AXL: variants seen among roughly 807,000 people sequenced by gnomAD.
AXL encodes the protein tyrosine-protein kinase receptor UFO.
Under a neutral mutation model 104.5 loss-of-function variants are expected in AXL, and 52 were observed. The observed-to-expected ratio is 0.50, with a 90% confidence interval of 0.40 to 0.63. AXL has a LOEUF of 0.63. AXL is among the 20% of genes least tolerant of loss of function. The probability of loss-of-function intolerance (pLI) is 0.00; values close to 1 mark genes in which losing one functional copy is unlikely to be tolerated. For missense variants in AXL, 1,024 were observed against 1,188.5 expected (o/e 0.86, Z 2.04); for synonymous variants, 455 against 473.7 (o/e 0.96, Z 0.51).
intron 6 of AXL, among the ~76,000 whole-genome samples, chr19:41,235,955 G>A (rs997976769): frequency 7.9e-5 from 12 of 152,048 alleles, no homozygotes; most frequent in Admixed American, 4.6e-4. Flanking sequence ...CCAGCACTTT[G>A]GGAGGCCGAG....
chr19:41,226,239 C>A (rs2122208853), intron 4 of AXL, among the ~76,000 whole-genome samples: 1 of 152,284 alleles, frequency 6.6e-6, no homozygotes, highest in South Asian at 2.1e-4. Flanking sequence ...GGACCCGGCT[C>A]CAGAACCCAC....
At chr19:41,239,782 C>T (rs1239953301) in intron 10 of AXL, 62 bp downstream of exon 10, 3 of 1,582,346 alleles carry the variant, frequency 1.9e-6, no homozygotes, top group African/African-American at 2.7e-5. Flanking sequence ...GGGGCACTGT[C>T]ACCATGCATA....
chr19:41,243,956 A>G (rs1806108747), intron 12 of AXL: 3 of 411,312 alleles, frequency 7.3e-6, no homozygotes, highest in Middle Eastern at 6.5e-4. Context: ...CTGTAATCCT[A>G]GCGCTTCGGG....
intron 8 of AXL, among the ~76,000 whole-genome samples, 180 bp downstream of exon 8, chr19:41,238,789 C>T (rs2034129632): frequency 6.6e-6 from 1 of 152,088 alleles, no homozygotes; most frequent in African/African-American, 2.4e-5. Flanking sequence ...TAAGGGAGGG[C>T]ATGGGGAATG....
In AXL at chr19:41,231,007, C is replaced by G. The variant is rs757927991; in HGVS notation, c.627C>G (p.Asn209Lys). Residue 209 changes from asparagine (N) to lysine (K), a missense_variant, in exon 5 of 20, where the codon AAC (asparagine) becomes AAG (lysine). Asn to Lys is a moderately conservative substitution (Grantham distance 94). Around this residue, in one of 5 missense-constraint regions of AXL, gnomAD observed 332 missense variants for 343.9 expected, o/e 0.97. Coordinates refer to ENST00000301178, the MANE Select transcript of AXL (RefSeq NM_021913.5). Reference sequence around the variant, plus strand: ...CCTCTTTCTCCTGCGAAGCCCATAACGCCAAGGGGGTCACCACATCCCGCA... The same window carrying G: ...CCTCTTTCTCCTGCGAAGCCCATAAGGCCAAGGGGGTCACCACATCCCGCA... ...KTSSFSCEAH[N>K]AKGVTTSRTA... 1 of 1,613,946 alleles carries G rather than the reference C, an allele frequency of 6.2e-7. No homozygotes were observed. Among genetic ancestry groups the G allele is most frequent in the Non-Finnish European group, 8.5e-7 (1 of 1,179,920 alleles).
Position 41,238,596 on chromosome 19 carries a change from A to T in AXL, c.1121A>T (p.Gln374Leu). 1 of 1,610,712 alleles carries T rather than the reference A, an allele frequency of 6.2e-7. No individual in the cohort carries two copies. Among genetic ancestry groups the T allele is most frequent in the Non-Finnish European group, 8.5e-7 (1 of 1,177,836 alleles). The change falls in exon 8 of 20, where the codon CAG (glutamine) becomes CTG (leucine). Residue 374 changes from glutamine (Q) to leucine (L), a missense_variant. Gln to Leu is a moderately radical substitution (Grantham distance 113). Coordinates refer to ENST00000301178, the MANE Select transcript of AXL (RefSeq NM_021913.5). The part of the protein sequence containing the change: ...LLGYRLAYQG[Q>L]DTPEVLMDIG... The stretch of plus-strand genomic sequence containing the variant: ...GGGTACCGGCTGGCGTATCAAGGCC[A>T]GGACACCCCAGAGGTGGGTGCTGCT...
intron 4 of AXL, among the ~76,000 whole-genome samples, chr19:41,226,301 C>G (rs1484030451): frequency 6.6e-6 from 1 of 152,172 alleles, no homozygotes; most frequent in Admixed American, 6.5e-5. Flanking sequence ...GCGCGCTGAC[C>G]CTGGCGGGGC....
chr19:41,242,315 CTTTTTTTTT>C (rs574315254), intron 10 of AXL, among the ~76,000 whole-genome samples: 4 of 83,884 alleles, frequency 4.8e-5, no homozygotes, highest in South Asian at 4.3e-4. Flanking sequence ...CTGGCACTCT[CTTTTTTTTT>C]TTTTTTTTTT....
chr19:41,256,232 G>A (rs1223270006), intron 17 of AXL, among the ~76,000 whole-genome samples: 1 of 152,154 alleles, frequency 6.6e-6, no homozygotes, highest in Non-Finnish European at 1.5e-5. Context: ...AGCCAAAATT[G>A]GGAAGTCCTG....
intron 6 of AXL, among the ~76,000 whole-genome samples, chr19:41,232,880 C>A (rs1256447464): frequency 2.6e-5 from 4 of 152,166 alleles, no homozygotes; most frequent in African/African-American, 9.7e-5. Context: ...TATGGATACA[C>A]CCATTTTCCA....
chr19:41,251,955 T>A, intron 14 of AXL, among the ~76,000 whole-genome samples: 1 of 148,584 alleles, frequency 6.7e-6, no homozygotes, highest in African/African-American at 2.5e-5. Context: ...CTACTAAAAA[T>A]ACAAAAAATT....
intron 10 of AXL, among the ~76,000 whole-genome samples, chr19:41,240,290 G>A (rs961814852): frequency 1.3e-5 from 2 of 150,972 alleles, no homozygotes; most frequent in South Asian, 2.1e-4. Flanking sequence ...GGATGGGTGG[G>A]TGGGTCAATG....
In AXL at chr19:41,253,722, AG is replaced by A; in HGVS notation, c.2036+17del. 5 of 1,510,998 alleles carry A rather than the reference AG, an allele frequency of 3.3e-6. No homozygotes were observed. In the South Asian group the frequency reaches 3.5e-5, roughly 11 times the overall value. 93.6% of individuals were successfully genotyped at this position (1,510,998 alleles called of 1,614,324 possible). A position where few individuals can be genotyped will look rare whatever the true frequency, so the allele number is the denominator to read the frequency against. On this transcript the variant is annotated intron_variant, in intron 17 of 19. Coordinates refer to ENST00000301178, the MANE Select transcript of AXL (RefSeq NM_021913.5). ...CAGGAACTGCATGTGAGTGCCTTTC[AG>A]GGACCCCCCCCCCCCAACTGCTCCT...
chr19:41,239,340 G>C, intron 9 of AXL, 26 bp downstream of exon 9: 2 of 1,543,008 alleles, frequency 1.3e-6, no homozygotes, highest in Non-Finnish European at 1.7e-6. Context: ...TGCCCAACCT[G>C]CTTCAACCCT....
intron 4 of AXL, among the ~76,000 whole-genome samples, chr19:41,222,970 G>C (rs1403854192): frequency 1.3e-5 from 2 of 149,230 alleles, no homozygotes; most frequent in Non-Finnish European, 3.0e-5. Flanking sequence ...CACTGGAAGG[G>C]ACAGGCCACA....
chr19:41,228,941 T>C (rs1455547797), intron 4 of AXL, among the ~76,000 whole-genome samples: 1 of 119,712 alleles, frequency 8.4e-6, no homozygotes, highest in Non-Finnish European at 1.9e-5. Context: ...TCTTTCTTTG[T>C]CTTTTCTTTT....
intron 6 of AXL, among the ~76,000 whole-genome samples, chr19:41,235,594 G>T (rs1318258044): frequency 6.6e-6 from 1 of 152,216 alleles, no homozygotes; most frequent in Non-Finnish European, 1.5e-5. Context: ...TCAGCACTAG[G>T]CTAAACTGCC....
At position 41,243,712 on chromosome 19, in the gene AXL, G is replaced by C. The variant is rs2034224209; in HGVS notation, c.1537+5G>C. ...GTCGGACCACTGAAGCTACCTGTAA[G>C]TGAACCCTATGCCCCACTGCCCTGG... is the stretch of plus-strand genomic sequence containing the variant. On this transcript the variant is annotated splice_donor_5th_base_variant and intron_variant, in intron 12 of 19. Coordinates refer to ENST00000301178, the MANE Select transcript of AXL (RefSeq NM_021913.5). 1 of 1,612,570 alleles carries C rather than the reference G, an allele frequency of 6.2e-7. No homozygotes were observed. The highest frequency in any genetic ancestry group is 8.5e-7 in the Non-Finnish European group (1 of 1,178,582).
chr19:41,237,752 C>T (rs1318786281), intron 6 of AXL, among the ~76,000 whole-genome samples, 192 bp from the exon 7 acceptor site: 1 of 152,154 alleles, frequency 6.6e-6, no homozygotes, highest in Admixed American at 6.5e-5. Context: ...GTGACAGAAC[C>T]ACATTGTATA....
Sources: gnomAD v4.1 joint callset for allele counts (sites outside exome capture counted in the v4.1 genomes callset) on GRCh38, gnomAD v4.1.1 for gene constraint, gnomAD v4.1.1 regional missense constraint, MANE v1.5 for transcripts, NCBI Gene and HGNC (gene_info 2026-07-23, HGNC 2026-07-21) for gene names.